The following SVEP1 variants were observed in gnomAD, a reference collection of about 807,000 sequenced individuals.
SVEP1 encodes the protein sushi, von Willebrand factor type A, EGF and pentraxin domain-containing protein 1.
In SVEP1, 164 loss-of-function variants were observed where a neutral mutation model predicts 367.3. The observed-to-expected ratio is 0.45, with a 90% CI of 0.39 to 0.51. The LOEUF (loss-of-function observed/expected upper bound fraction) is 0.51, where lower values mean the gene tolerates loss of function less well. Ranked by LOEUF, SVEP1 falls within the 20% of genes least tolerant of loss-of-function variation. The pLI, the probability that SVEP1 is intolerant of heterozygous loss-of-function variation, is 0.00. For missense variants in SVEP1, 4,117 were observed against 4,425.3 expected (o/e 0.93, Z 1.98); for synonymous variants, 1,666 against 1,611.6 (o/e 1.03, Z -0.81).
At chr9:110,541,759 AC>A (rs1405754508) in intron 3 of SVEP1, among the ~76,000 whole-genome samples, 1 of 148,986 alleles carries the variant, frequency 6.7e-6, no homozygotes, top group African/African-American at 2.4e-5. Flanking sequence ...ACATCTATAT[AC>A]ATAGATATCT....
chr9:110,445,492 C>T (rs1828578391), intron 26 of SVEP1, among the ~76,000 whole-genome samples: 1 of 152,170 alleles, frequency 6.6e-6, no homozygotes, highest in Non-Finnish European at 1.5e-5. Context: ...CTTAGCCCTG[C>T]TACTCCCAAG....
intron 37 of SVEP1, among the ~76,000 whole-genome samples, chr9:110,409,778 C>G (rs1392164110): frequency 2.6e-5 from 4 of 151,970 alleles, no homozygotes; most frequent in Non-Finnish European, 5.9e-5. Context: ...AAATAATATC[C>G]TATCTTTTAA....
chr9:110,394,602 GA>G (rs1437051617), intron 40 of SVEP1, among the ~76,000 whole-genome samples: 1 of 151,838 alleles, frequency 6.6e-6, no homozygotes, highest in Non-Finnish European at 1.5e-5. Context: ...TAACAACTTT[GA>G]AAAAAAATTA....
At chr9:110,465,745 A>G in intron 18 of SVEP1, 120 bp downstream of exon 18, 1 of 1,260,802 alleles carries the variant, frequency 7.9e-7, no homozygotes, top group Non-Finnish European at 1.1e-6. Flanking sequence ...CTTTATGAAG[A>G]GACAGTTATT....
chr9:110,427,869 C>G, intron 35 of SVEP1, 111 bp from the exon 36 acceptor site: 1 of 1,250,186 alleles, frequency 8.0e-7, no homozygotes, highest in South Asian at 1.6e-5. Flanking sequence ...TTTGAGTACA[C>G]AAAAATAGCA....
At position 110,408,564 on chromosome 9, in the gene SVEP1, T is replaced by C; in HGVS notation, c.7036A>G (p.Thr2346Ala). 1 of 1,613,926 alleles carries C rather than the reference T, an allele frequency of 6.2e-7. No individual in the cohort carries two copies. Among genetic ancestry groups the C allele is most frequent in the Admixed American group, 1.7e-5 (1 of 60,006 alleles). The change falls in exon 38 of 48, where the codon ACA becomes GCA. Residue 2346 changes from threonine (T) to alanine (A), a missense_variant. Physicochemically the swap from Thr to Ala is moderately conservative, Grantham distance 58 (BLOSUM62 0). Coordinates refer to ENST00000374469, the MANE Select transcript of SVEP1 (RefSeq NM_153366.4). ...ACATGCCCTTCTTTACAGGAAAATG[T>C]CACAACTCCTACCTCGGTGGTCAAC... is the stretch of plus-strand genomic sequence containing the variant. ...KELTTEVGVV[T>A]FSCKEGHVLQ...
At chr9:110,526,410 C>T (rs1829940120) in intron 3 of SVEP1, among the ~76,000 whole-genome samples, 1 of 151,994 alleles carries the variant, frequency 6.6e-6, no homozygotes, top group South Asian at 2.1e-4. Flanking sequence ...ATATAGATGG[C>T]AAATAAACAT....
intron 3 of SVEP1, among the ~76,000 whole-genome samples, chr9:110,539,839 C>T (rs954075045): frequency 7.2e-5 from 11 of 152,028 alleles, no homozygotes; most frequent in African/African-American, 2.6e-4. Context: ...TGTTAAATTT[C>T]TATCCCATAG....
chr9:110,489,682 T>G lies in SVEP1; in HGVS notation c.1898A>C (p.Gln633Pro). 1 of 1,613,440 alleles carries G rather than the reference T, an allele frequency of 6.2e-7. No homozygotes were observed. Among genetic ancestry groups the G allele is most frequent in the East Asian group, 2.2e-5 (1 of 44,862 alleles). ...VYTATDLSGN[Q>P]ASCIFHIKVI... ...CTTGATATGGAAAATGCAGCTGGCC[T>G]GGTTGCCGGATAGGTCAGTTGCCGT... The change falls in exon 9 of 48, where the codon CAG becomes CCG. Residue 633 changes from glutamine (Q) to proline (P), a missense_variant. Physicochemically the swap from Gln to Pro is moderately conservative, Grantham distance 76. Around this residue, in one of 4 missense-constraint regions of SVEP1, gnomAD observed 2,174 missense variants for 2,494.3 expected, o/e 0.87. Transcript: ENST00000374469.
Position 110,513,104 on chromosome 9 carries a change from A to G in SVEP1, c.1125T>C (p.Leu375=), listed in dbSNP as rs753550760. ...GAGGCTTCAGGGCAGGGCAGTGGAC[A>G]ACTAACATTTACAAAAATAAAATTG... ...GYRASGQTCE[L]VHCPALKPPE... Residue 375 remains leucine (L), a splice_region_variant and synonymous_variant, in exon 5 of 48, where the codon CTT becomes CTC. Transcript: ENST00000374469. 1.9e-6 allele frequency: 3 copies of G among 1,596,250 alleles called. No homozygotes were observed. Among genetic ancestry groups the G allele is most frequent in the South Asian group, 2.3e-5 (2 of 88,372 alleles).
chr9:110,505,985 C>A lies in SVEP1; in HGVS notation c.1304-2768G>T, dbSNP rs938073930. Among the ~76,000 whole-genome samples the A allele has an allele frequency of 9.2e-5, 14 of 152,230 alleles. No homozygotes were observed. The East Asian group carries it at 2.5e-3, about 27-fold the overall frequency. ...CCTCCCCTAGTCCCCAACCCTCTGA[C>A]AGGCTCCAGTGTGTGATGTTCCCCT... On this transcript the variant is annotated intron_variant, in intron 5 of 47. Coordinates refer to ENST00000374469, the MANE Select transcript of SVEP1 (RefSeq NM_153366.4).
intron 1 of SVEP1, among the ~76,000 whole-genome samples, chr9:110,576,954 G>C (rs562173478): frequency 2.6e-5 from 4 of 152,138 alleles, no homozygotes; most frequent in Non-Finnish European, 5.9e-5. Context: ...GGATTAAACT[G>C]CTAAATAGAA....
At chr9:110,374,163 C>T (rs1198750779) in intron 46 of SVEP1, among the ~76,000 whole-genome samples, 1 of 152,126 alleles carries the variant, frequency 6.6e-6, no homozygotes, top group African/African-American at 2.4e-5. Flanking sequence ...CACCCTCTAC[C>T]CTCAAGTAGG....
At chr9:110,516,992 G>A (rs62573125) in intron 3 of SVEP1, among the ~76,000 whole-genome samples, 1 of 152,112 alleles carries the variant, frequency 6.6e-6, no homozygotes, top group Non-Finnish European at 1.5e-5. Context: ...GGGAAAATCA[G>A]ATTGATATTT....
intron 3 of SVEP1, among the ~76,000 whole-genome samples, chr9:110,515,502 G>A (rs1014543337): frequency 1.3e-5 from 2 of 151,674 alleles, no homozygotes; most frequent in Admixed American, 6.6e-5. Flanking sequence ...GGGTTTCACC[G>A]TGTTAGCCAG....
intron 5 of SVEP1, among the ~76,000 whole-genome samples, chr9:110,510,630 G>A (rs920981987): frequency 2.0e-5 from 3 of 152,170 alleles, no homozygotes; most frequent in Admixed American, 6.5e-5. Flanking sequence ...AGGATCAGAC[G>A]CGAGGCTTGA....
chr9:110,517,453 C>T (rs1350552920), intron 3 of SVEP1, among the ~76,000 whole-genome samples: 1 of 151,826 alleles, frequency 6.6e-6, no homozygotes, highest in Non-Finnish European at 1.5e-5. Flanking sequence ...CAAAAGTTAG[C>T]TGGACATGGT....
At chr9:110,460,536 T>C (rs1828842358) in intron 18 of SVEP1, among the ~76,000 whole-genome samples, 2 of 152,158 alleles carry the variant, frequency 1.3e-5, no homozygotes, top group East Asian at 1.9e-4. Context: ...GCGAATCACT[T>C]GAGGTCAGGA....
At chr9:110,418,771 G>A (rs1212040547) in intron 36 of SVEP1, among the ~76,000 whole-genome samples, 3 of 92,942 alleles carry the variant, frequency 3.2e-5, no homozygotes, top group Non-Finnish European at 7.2e-5. Context: ...GGATCTCTCG[G>A]CAGAAACCCT....
Sources: gnomAD v4.1 joint callset for allele counts (sites outside exome capture counted in the v4.1 genomes callset) on GRCh38, gnomAD v4.1.1 for gene constraint, gnomAD v4.1.1 regional missense constraint, MANE v1.5 for transcripts, NCBI Gene and HGNC (gene_info 2026-07-23, HGNC 2026-07-21) for gene names.